The following SH3BP5L variants were observed in gnomAD, a reference collection of about 807,000 sequenced individuals.
SH3BP5L encodes SH3 binding domain protein 5 like, also known as SH3 domain-binding protein 5-like.
A neutral mutation model predicts 40.9 loss-of-function variants in SH3BP5L; 16 were observed. The ratio of observed to expected loss-of-function variants is 0.39; its 90% CI spans 0.27 to 0.59. The LOEUF (loss-of-function observed/expected upper bound fraction) is 0.59. Among genes scored for constraint, SH3BP5L ranks in the 20% least tolerant of loss-of-function variants. SH3BP5L has a pLI of 0.53. For synonymous variants in SH3BP5L, 229 were observed against 226.7 expected, an observed-to-expected ratio of 1.01 and a Z score of -0.09; for missense variants, 471 against 544.6, an observed-to-expected ratio of 0.86 and a Z score of 1.35.
chr1:248,816,187 C>A, intron 4 of SH3BP5L: 1 of 210,440 alleles, frequency 4.8e-6, no homozygotes, highest in Non-Finnish European at 9.8e-6. Flanking sequence ...AGACATGAAC[C>A]AAAGGGAAGA....
chr1:248,813,940 C>CATTT, intron 5 of SH3BP5L: 1 of 169,538 alleles, frequency 5.9e-6, no homozygotes, highest in South Asian at 1.4e-4. Context: ...ACAAACACCC[C>CATTT]CTCGAGTTGC....
Position 248,816,592 on chromosome 1 carries a change from A to T in SH3BP5L, c.317T>A (p.Leu106Ter), listed in dbSNP as rs757396928. 2 of 1,614,152 alleles carry T rather than the reference A, an allele frequency of 1.2e-6. No homozygotes were observed. The highest frequency in any genetic ancestry group is 3.3e-5 in the Admixed American group (2 of 60,020). The change falls in exon 4 of 7, where the codon TTG becomes TAG. Residue 106 changes from leucine to a stop codon, truncating the protein, a stop_gained. Coordinates refer to ENST00000366472, the MANE Select transcript of SH3BP5L (RefSeq NM_030645.3). LOFTEE classifies it high-confidence loss of function. ...ARKLNTQGSH[L>*]GSCIEKARPY... ...CCGGGCTTTCTCGATGCAGCTCCCCAAGTGGGAACCCTGTGTATTCAGTTT... is the reference window on the plus strand; with the variant it reads ...CCGGGCTTTCTCGATGCAGCTCCCCTAGTGGGAACCCTGTGTATTCAGTTT...
Position 248,812,172 on chromosome 1 carries a change from C to T in SH3BP5L, c.910G>A (p.Gly304Arg). The stretch of plus-strand genomic sequence containing the variant: ...TCGGCCCCCTCAATCCCGCTGTCTC[C>T]GTCCTCCATGTCCTCGGGTCCTGCC... ...AEAGPEDMED[G>R]DSGIEGAEGA... The change falls in exon 7 of 7, where the codon GGA becomes AGA. Residue 304 changes from glycine to arginine, a missense_variant. This residue lies in a region of SH3BP5L where 196 missense variants were observed against 174.6 expected (regional missense o/e 1.12). Coordinates refer to ENST00000366472, the MANE Select transcript of SH3BP5L (RefSeq NM_030645.3). The surrounding 1 kb of genome is among the most constrained non-coding windows in gnomAD (Gnocchi z 6.1). 1.3e-6 allele frequency: 2 copies of T among 1,598,390 alleles called. No homozygotes were observed. Among genetic ancestry groups the T allele is most frequent in the Non-Finnish European group, 1.7e-6 (2 of 1,172,812 alleles).
chr1:248,823,142 G>A (rs7526416), intron 2 of SH3BP5L, among the ~76,000 whole-genome samples: 3,930 of 152,274 alleles, frequency 0.026, 175 homozygotes, highest in African/African-American at 0.089. Flanking sequence ...AGACCACAGT[G>A]GATTCTCCTC....
chr1:248,822,467 C>T (rs760028909), intron 2 of SH3BP5L, among the ~76,000 whole-genome samples: 33 of 152,320 alleles, frequency 2.2e-4, no homozygotes, highest in Middle Eastern at 3.4e-3. Context: ...CATTCCACAA[C>T]GTGTTGTGCA....
intron 2 of SH3BP5L, among the ~76,000 whole-genome samples, chr1:248,822,944 G>A (rs1352995004): frequency 2.0e-5 from 3 of 152,188 alleles, no homozygotes; most frequent in Non-Finnish European, 4.4e-5. Flanking sequence ...GATTACAGGT[G>A]TGAGCCACCA....
At chr1:248,816,264 A>G (rs6657663) in intron 4 of SH3BP5L, 9,073 of 429,880 alleles carry the variant, frequency 0.021, 397 homozygotes, top group African/African-American at 0.12. Flanking sequence ...CTAAAGCCTG[A>G]TTCCTGATAC....
At chr1:248,814,058 T>G (rs572035949) in intron 5 of SH3BP5L, 1 of 210,414 alleles carries the variant, frequency 4.8e-6, no homozygotes, top group East Asian at 1.3e-4. Context: ...TAAATTATAC[T>G]TCAAAACTCG....
intron 2 of SH3BP5L, 194 bp from the exon 3 acceptor site, chr1:248,817,078 T>C: frequency 6.6e-7 from 1 of 1,524,740 alleles, no homozygotes; most frequent in Non-Finnish European, 8.8e-7. Context: ...ACATACAATC[T>C]CACGTAATCC....
chr1:248,819,702 C>CAAAAA (rs34840808), intron 2 of SH3BP5L, among the ~76,000 whole-genome samples: 5 of 72,726 alleles, frequency 6.9e-5, no homozygotes, highest in African/African-American at 2.4e-4. Context: ...GACTCAGTCT[C>CAAAAA]AAAAAAAAAA....
At chr1:248,820,926 A>C (rs967955449) in intron 2 of SH3BP5L, 1 of 152,248 alleles carries the variant, frequency 6.6e-6, no homozygotes, top group African/African-American at 2.4e-5. Context: ...TTAAAAGGAC[A>C]AGAAGAGCTG....
At chr1:248,816,749 C>T (rs186092961) in intron 3 of SH3BP5L, 73 bp downstream of exon 3, 1 of 1,612,588 alleles carries the variant, frequency 6.2e-7, no homozygotes, top group Admixed American at 1.7e-5. Flanking sequence ...CCGCCACTGC[C>T]TCAATCTGGG....
Position 248,824,945 on chromosome 1 carries a change from G to T in SH3BP5L, c.-10C>A, listed in dbSNP as rs1664338008. 2.4e-5 allele frequency: 38 copies of T among 1,610,522 alleles called. No individual in the cohort carries two copies. The highest frequency in any genetic ancestry group is 3.1e-5 in the Non-Finnish European group (37 of 1,178,608). On this transcript the variant is annotated 5_prime_UTR_variant, in exon 2 of 7. Transcript: ENST00000366472. ...GTCTGAGCTCAGCCATGCTGACAGG[G>T]GGAGGGCAGAGCCCTATGCACAAGA...
chr1:248,823,109 G>A (rs973754218), intron 2 of SH3BP5L, among the ~76,000 whole-genome samples: 3 of 152,208 alleles, frequency 2.0e-5, no homozygotes, highest in South Asian at 2.1e-4. Flanking sequence ...AAAATACATA[G>A]GAGTAGTAGA....
Position 248,816,609 on chromosome 1 carries a change from A to G in SH3BP5L, c.300T>C (p.Asn100=). The G allele has an allele frequency of 6.2e-7, 1 of 1,614,110 alleles. No individual in the cohort carries two copies. The highest frequency in any genetic ancestry group is 8.5e-7 in the Non-Finnish European group (1 of 1,180,012). The change falls in exon 4 of 7, where the codon AAT becomes AAC. Residue 100 remains asparagine, a synonymous_variant. Transcript: ENST00000366472. ...RILQESARKL[N]TQGSHLGSCI... ...AGCTCCCCAAGTGGGAACCCTGTGT[A>G]TTCAGTTTCCTCGCCGACTCCTGTA...
chr1:248,817,192 G>C, intron 2 of SH3BP5L: 1 of 572,810 alleles, frequency 1.7e-6, no homozygotes, highest in Non-Finnish European at 3.0e-6. Context: ...AAGTTGTGGT[G>C]AGCCCTCACT....
chr1:248,816,439 G>T (rs1325394602), intron 4 of SH3BP5L, 95 bp downstream of exon 4: 1 of 1,525,198 alleles, frequency 6.6e-7, no homozygotes, highest in Non-Finnish European at 9.0e-7. Context: ...TGCCCTCAGG[G>T]TCTGGTGTTT....
In SH3BP5L at chr1:248,813,091, C is replaced by T; in HGVS notation, c.609G>A (p.Gln203=). The change falls in exon 6 of 7, where the codon CAG becomes CAA. Residue 203 remains glutamine, a synonymous_variant. Transcript: ENST00000366472. ...EHQRVTRLCQ[Q]AEARVQALQK... Reference sequence around the variant, plus strand: ...GCAGGGCTTGGACCCGAGCCTCAGCCTGTTGGCACAGCCGAGTCACTCGCT... The same window carrying T: ...GCAGGGCTTGGACCCGAGCCTCAGCTTGTTGGCACAGCCGAGTCACTCGCT... 1 of 1,612,190 alleles carries T rather than the reference C, an allele frequency of 6.2e-7. No homozygotes were observed. The highest frequency in any genetic ancestry group is 8.5e-7 in the Non-Finnish European group (1 of 1,178,980).
At chr1:248,819,419 T>C (rs1158695531) in intron 2 of SH3BP5L, among the ~76,000 whole-genome samples, 8 of 146,866 alleles carry the variant, frequency 5.4e-5, no homozygotes, top group Non-Finnish European at 9.0e-5. Flanking sequence ...AAAAAAATCG[T>C]GGGCAGGCGC....
Sources: allele counts gnomAD v4.1 joint callset (sites outside exome capture counted in the v4.1 genomes callset), GRCh38; gene constraint gnomAD v4.1.1; regional missense constraint gnomAD v4.1.1; non-coding constraint Gnocchi (gnomAD v3.1); transcripts MANE v1.5; gene names NCBI Gene and HGNC (gene_info 2026-07-23, HGNC 2026-07-21).